Variants in ADGRE1 observed in about 807,000 individuals in gnomAD.
The protein encoded by ADGRE1 is adhesion G protein-coupled receptor E1, also known as EGF-like module receptor 1.
In ADGRE1, 82 loss-of-function variants were observed where a neutral mutation model predicts 102.7. The observed-to-expected ratio is 0.80, with a 90% CI of 0.67 to 0.96. ADGRE1 has a LOEUF of 0.96. Ranked by LOEUF, ADGRE1 falls within the 40% of genes least tolerant of loss-of-function variation. The pLI is 0.00. For missense variants in ADGRE1, 1,032 were observed against 1,085.3 expected, an observed-to-expected ratio of 0.95 and a Z score of 0.69; for synonymous variants, 398 against 399.6, an observed-to-expected ratio of 1.00 and a Z score of 0.05.
At chr19:6,936,508 A>G (rs1975408674) in intron 18 of ADGRE1, among the ~76,000 whole-genome samples, 2 of 152,118 alleles carry the variant, frequency 1.3e-5, no homozygotes, top group African/African-American at 4.8e-5. Context: ...AATGTAAGCA[A>G]TAAGTTTCAC....
intron 1 of ADGRE1, among the ~76,000 whole-genome samples, chr19:6,889,288 G>T (rs1402404699): frequency 2.0e-5 from 3 of 151,888 alleles, no homozygotes; most frequent in Admixed American, 2.0e-4. Flanking sequence ...TAATGATGAT[G>T]ATGATGGTGA....
chr19:6,889,092 A>G (rs1457272227), intron 1 of ADGRE1, among the ~76,000 whole-genome samples: 2 of 151,674 alleles, frequency 1.3e-5, no homozygotes, highest in African/African-American at 4.8e-5. Flanking sequence ...GATAATGACC[A>G]TGAAGATGGT....
chr19:6,909,964 C>A (rs1205665476), intron 10 of ADGRE1, among the ~76,000 whole-genome samples: 1 of 151,790 alleles, frequency 6.6e-6, no homozygotes, highest in Non-Finnish European at 1.5e-5. Context: ...AAACTCCCGA[C>A]CTCAGGCGAT....
At chr19:6,928,052 T>G in intron 16 of ADGRE1, 93 bp from the exon 17 acceptor site, 1 of 1,455,296 alleles carries the variant, frequency 6.9e-7, no homozygotes, top group South Asian at 1.4e-5. Context: ...CACCTCCCAG[T>G]GTTCTCCTCC....
intron 6 of ADGRE1, 56 bp downstream of exon 6, chr19:6,902,077 G>T: frequency 6.2e-7 from 1 of 1,604,698 alleles, no homozygotes. Context: ...AAAGACAGCA[G>T]TGAGGGGATT....
intron 20 of ADGRE1, 104 bp from the exon 21 acceptor site, chr19:6,939,920 G>T (rs1231899029): frequency 2.4e-6 from 3 of 1,267,410 alleles, no homozygotes; most frequent in African/African-American, 1.5e-5. Flanking sequence ...TCTAGTCTTT[G>T]TTACTGTATT....
intron 2 of ADGRE1, chr19:6,891,366 T>C (rs1418234493): frequency 6.6e-6 from 1 of 152,224 alleles, no homozygotes; most frequent in Admixed American, 6.5e-5. Flanking sequence ...AACAGACTAA[T>C]ACAACTGTTC....
intron 8 of ADGRE1, among the ~76,000 whole-genome samples, chr19:6,905,478 G>A (rs779017671): frequency 3.3e-5 from 5 of 151,380 alleles, no homozygotes; most frequent in African/African-American, 1.2e-4. Context: ...TCAGCCTGCC[G>A]AGTAGCTAGG....
chr19:6,910,290 T>G (rs1974122228), intron 10 of ADGRE1, among the ~76,000 whole-genome samples: 1 of 152,202 alleles, frequency 6.6e-6, no homozygotes, highest in South Asian at 2.1e-4. Flanking sequence ...TTTATAAATA[T>G]TCCAATTCCC....
intron 8 of ADGRE1, among the ~76,000 whole-genome samples, chr19:6,904,546 C>A (rs1407020843): frequency 6.7e-6 from 1 of 148,682 alleles, no homozygotes; most frequent in African/African-American, 2.5e-5. Context: ...TTTTTTTTCA[C>A]CCAGGCTGGA....
chr19:6,898,338 C>T, intron 5 of ADGRE1: 1 of 1,598,402 alleles, frequency 6.3e-7, no homozygotes, highest in South Asian at 1.1e-5. Context: ...GCCCCCAGCC[C>T]TGTGGTCCTA....
intron 15 of ADGRE1, 69 bp downstream of exon 15, chr19:6,924,941 G>T: frequency 6.5e-7 from 1 of 1,526,766 alleles, no homozygotes; most frequent in Non-Finnish European, 9.0e-7. Context: ...CTCATTCCTA[G>T]CCAACTCCCT....
At chr19:6,893,689 T>C (rs1315833581) in intron 2 of ADGRE1, among the ~76,000 whole-genome samples, 1 of 152,210 alleles carries the variant, frequency 6.6e-6, no homozygotes, top group Non-Finnish European at 1.5e-5. Flanking sequence ...TCACTCAACC[T>C]CTCTGAGTCA....
intron 14 of ADGRE1, 88 bp from the exon 15 acceptor site, chr19:6,924,590 C>A: frequency 8.1e-7 from 1 of 1,236,414 alleles, no homozygotes; most frequent in Non-Finnish European, 1.1e-6. Flanking sequence ...CTAATTTTGC[C>A]CGAGCCAGGG....
intron 20 of ADGRE1, 110 bp from the exon 21 acceptor site, chr19:6,939,914 G>C: frequency 1.6e-6 from 2 of 1,231,562 alleles, no homozygotes; most frequent in Middle Eastern, 1.9e-4. Context: ...TATCCTTCTA[G>C]TCTTTGTTAC....
chr19:6,935,120 TTTC>T, intron 18 of ADGRE1, 42 bp downstream of exon 18: 2 of 1,495,756 alleles, frequency 1.3e-6, no homozygotes, highest in Non-Finnish European at 1.8e-6. Flanking sequence ...TAATTTCCTC[TTTC>T]TTCTTCCCAG....
intron 17 of ADGRE1, among the ~76,000 whole-genome samples, chr19:6,934,602 T>A (rs75144932): frequency 6.3e-4 from 43 of 68,266 alleles, no homozygotes; most frequent in African/African-American, 5.4e-3. Context: ...ATTTTTGTAT[T>A]TTTTTTTTTT....
intron 5 of ADGRE1, among the ~76,000 whole-genome samples, chr19:6,900,845 G>A (rs1042134626): frequency 1.1e-4 from 17 of 152,216 alleles, no homozygotes; most frequent in African/African-American, 4.1e-4. Flanking sequence ...GTAACAAATT[G>A]TCTTAAAAAT....
chr19:6,921,993 G>T (rs998712407), intron 14 of ADGRE1, 110 bp downstream of exon 14: 3 of 1,325,706 alleles, frequency 2.3e-6, no homozygotes, highest in African/African-American at 2.9e-5. Flanking sequence ...GGTGTTGTGG[G>T]ATGGAGTCAC....
Sources: gnomAD v4.1 joint callset for allele counts (sites outside exome capture counted in the v4.1 genomes callset) on GRCh38, gnomAD v4.1.1 for gene constraint, MANE v1.5 for transcripts, NCBI Gene and HGNC (gene_info 2026-07-23, HGNC 2026-07-21) for gene names.